The following LAMP5 variants were observed in gnomAD, a reference collection of about 807,000 sequenced individuals.
The protein encoded by LAMP5 is lysosome associated membrane protein 5.
LAMP5 carries 36 observed loss-of-function variants against 30.2 expected under a neutral mutation model. The observed-to-expected ratio is 1.19, with a 90% CI of 0.91 to 1.57. The LOEUF (loss-of-function observed/expected upper bound fraction) is 1.57. LAMP5 is among the 40% of genes most tolerant of loss of function. The pLI is 0.00. For missense variants in LAMP5, 377 were observed against 354.9 expected (o/e 1.06, Z -0.50); for synonymous variants, 149 against 134.6 (o/e 1.11, Z -0.74).
intron 5 of LAMP5, among the ~76,000 whole-genome samples, chr20:9,519,019 G>A (rs971348915): frequency 1.3e-5 from 2 of 152,328 alleles, no homozygotes; most frequent in Admixed American, 6.5e-5. Context: ...GCTGTGGCAG[G>A]TTCAGGTCAA....
Position 9,515,447 on chromosome 20 carries a change from C to G in LAMP5, c.65-6C>G, listed in dbSNP as rs2232262. ...AACTGATGGAATTGTTTTGTTTGTT[C>G]CGCAGATACAATGGCTCAAATCATG... On this transcript the variant is annotated splice_polypyrimidine_tract_variant and splice_region_variant and intron_variant, in intron 1 of 5. Coordinates refer to ENST00000246070, the MANE Select transcript of LAMP5 (RefSeq NM_012261.4). 8.4e-4 allele frequency: 1,357 copies of G among 1,612,114 alleles called. 9 individuals carry two copies. The Middle Eastern group carries it at 0.016, about 19-fold the overall frequency.
chr20:9,523,021 A>G (rs1603172289), intron 5 of LAMP5, among the ~76,000 whole-genome samples: 1 of 133,540 alleles, frequency 7.5e-6, no homozygotes, highest in East Asian at 2.1e-4. Context: ...CTGGCCTTGA[A>G]CTCCTGGGCA....
intron 5 of LAMP5, among the ~76,000 whole-genome samples, chr20:9,526,860 G>GTATATATATATATATATATA (rs201564418): frequency 6.2e-5 from 5 of 80,226 alleles, no homozygotes; most frequent in South Asian, 4.3e-4. Flanking sequence ...GTGTGTGTGT[G>GTATATATATATATATATATA]TATATATATA....
intron 5 of LAMP5, among the ~76,000 whole-genome samples, chr20:9,523,883 A>AT (rs2045094724): frequency 6.6e-6 from 1 of 152,338 alleles, no homozygotes; most frequent in Admixed American, 6.5e-5. Flanking sequence ...ACAATACAAG[A>AT]TTTTTACCCT....
chr20:9,528,152 A>G (rs1159749291), intron 5 of LAMP5, among the ~76,000 whole-genome samples: 2 of 152,336 alleles, frequency 1.3e-5, no homozygotes, highest in East Asian at 1.9e-4. Context: ...GTCATTTGCT[A>G]CAATGTGGAT....
At position 9,523,723 on chromosome 20, in the gene LAMP5, T is replaced by G. The variant is rs567348621; in HGVS notation, c.664+5495T>G. ...CCACCAAGAGCAAAGGCATGAGGGA[T>G]CCTAAGTCCTGTGGAGGTGGATAGG... On this transcript the variant is annotated intron_variant, in intron 5 of 5. Coordinates refer to ENST00000246070, the MANE Select transcript of LAMP5 (RefSeq NM_012261.4). Among the ~76,000 whole-genome samples the G allele has an allele frequency of 4.6e-5, 7 of 151,974 alleles. No individual in the cohort carries two copies. The South Asian group carries it at 1.0e-3, about 23-fold the overall frequency.
rs61301123 is a variant in LAMP5, at chr20:9,519,404, T to A, written c.664+1176T>A. Reference sequence around the variant, plus strand: ...CCACTCAACCTATTCCAGAATAGAATGCACCACCTTCCACCTTGATTATTG... The same window carrying A: ...CCACTCAACCTATTCCAGAATAGAAAGCACCACCTTCCACCTTGATTATTG... On this transcript the variant is annotated intron_variant, in intron 5 of 5. Coordinates refer to ENST00000246070, the MANE Select transcript of LAMP5 (RefSeq NM_012261.4). 1.3e-3 allele frequency among the ~76,000 whole-genome samples: 197 copies of A among 152,306 alleles called. 2 individuals carry two copies. In the East Asian group the frequency reaches 0.032, roughly 25 times the overall value.
intron 4 of LAMP5, among the ~76,000 whole-genome samples, chr20:9,516,731 G>A (rs1042860123): frequency 3.3e-5 from 5 of 152,186 alleles, no homozygotes; most frequent in African/African-American, 9.7e-5. Context: ...TCCTGGTTTT[G>A]TTTCTTATGC....
Position 9,530,407 on chromosome 20 carries a change from T to A in LAMP5, c.*587T>A, listed in dbSNP as rs745628763. 1 of 152,758 alleles carries A rather than the reference T, an allele frequency of 6.5e-6. No homozygotes were observed. The highest frequency in any genetic ancestry group is 1.5e-5 in the Non-Finnish European group (1 of 68,126). 9.5% of individuals were successfully genotyped at this position (152,758 alleles called of 1,614,324 possible). A position where few individuals can be genotyped will look rare whatever the true frequency, so the allele number is the denominator to read the frequency against. The stretch of plus-strand genomic sequence containing the variant: ...GACTGCAGCACCAGAAAACGACTAA[T>A]GTAACTATGCAGAGTTGTTTGGACT... On this transcript the variant is annotated 3_prime_UTR_variant, in exon 6 of 6. Transcript: ENST00000246070.
chr20:9,518,005 A>C, intron 4 of LAMP5, 35 bp from the exon 5 acceptor site: 1 of 1,602,328 alleles, frequency 6.2e-7, no homozygotes, highest in Non-Finnish European at 8.5e-7. Context: ...AGGAACAATG[A>C]GGGTTCTAAC....
intron 1 of LAMP5, 95 bp from the exon 2 acceptor site, chr20:9,515,358 A>G (rs1166523988): frequency 8.3e-7 from 1 of 1,201,458 alleles, no homozygotes; most frequent in Non-Finnish European, 1.2e-6. Flanking sequence ...GAACTTTGTC[A>G]CTCCAAAGCC....
intron 5 of LAMP5, 60 bp from the exon 6 acceptor site, chr20:9,529,582 G>T: frequency 2.0e-6 from 3 of 1,505,388 alleles, no homozygotes; most frequent in Admixed American, 2.0e-5. Flanking sequence ...TTGTTTTGTA[G>T]AACTTATGAT....
At chr20:9,515,816 C>G (rs971449731) in intron 2 of LAMP5, among the ~76,000 whole-genome samples, 184 bp from the exon 3 acceptor site, 1 of 152,230 alleles carries the variant, frequency 6.6e-6, no homozygotes, top group East Asian at 1.9e-4. Flanking sequence ...AAGTAAACCC[C>G]CTTCTCTCCG....
At chr20:9,517,519 C>T (rs2045049564) in intron 4 of LAMP5, among the ~76,000 whole-genome samples, 1 of 152,018 alleles carries the variant, frequency 6.6e-6, no homozygotes, top group Non-Finnish European at 1.5e-5. Flanking sequence ...ATCACCACAG[C>T]CTGGAGTAAG....
chr20:9,529,984 G>C lies in LAMP5; in HGVS notation c.*164G>C. The C allele has an allele frequency of 1.7e-6, 1 of 589,962 alleles. No homozygotes were observed. 36.5% of individuals were successfully genotyped at this position (589,962 alleles called of 1,614,324 possible). ...GCTTGTGTCCATGCTTAAACCCACG[G>C]AAGGGGGAGACTCTTTCGGATTTGT... On this transcript the variant is annotated 3_prime_UTR_variant, in exon 6 of 6. Coordinates refer to ENST00000246070, the MANE Select transcript of LAMP5 (RefSeq NM_012261.4).
In LAMP5 at chr20:9,526,386, A is replaced by G. The variant is rs2045112427; in HGVS notation, c.665-3256A>G. On this transcript the variant is annotated intron_variant, in intron 5 of 5. Transcript: ENST00000246070. ...ACCCTGCAATCTGTGTTAACATTAC[A>G]TGGGCAACAGAGTGTTATCATGAGG... Among the ~76,000 whole-genome samples, 3 of 152,362 alleles carry G rather than the reference A, an allele frequency of 2.0e-5. No individual in the cohort carries two copies. The South Asian group carries it at 6.2e-4, about 32-fold the overall frequency.
At chr20:9,515,319 G>T (rs1003609755) in intron 1 of LAMP5, 134 bp from the exon 2 acceptor site, 6 of 709,514 alleles carry the variant, frequency 8.5e-6, no homozygotes, top group African/African-American at 1.8e-5. Context: ...TTAGAGAAAC[G>T]GCTCGTAGAG....
At chr20:9,520,838 A>G (rs2045075353) in intron 5 of LAMP5, among the ~76,000 whole-genome samples, 1 of 152,140 alleles carries the variant, frequency 6.6e-6, no homozygotes, top group Non-Finnish European at 1.5e-5. Context: ...GAGTCCCTTT[A>G]GTGCATTGTA....
Position 9,529,724 on chromosome 20 carries a change from CA to C in LAMP5, c.748del (p.Met250TrpfsTer2), listed in dbSNP as rs746203088. 6.2e-6 allele frequency: 10 copies of C among 1,614,118 alleles called. No individual in the cohort carries two copies. In the South Asian group the frequency reaches 1.1e-4, roughly 18 times the overall value. ...ILGLILGLVI[M>X]VTLAIYHVHH... ...TGGGGCTCATCTTGGGCCTCGTCATCATGGTAACACTCGCGATTTACCACGT... is the reference window on the plus strand; with the variant it reads ...TGGGGCTCATCTTGGGCCTCGTCATCTGGTAACACTCGCGATTTACCACGT... On this transcript the variant is annotated frameshift_variant, in exon 6 of 6. Transcript: ENST00000246070. LOFTEE classifies it high-confidence loss of function.
Sources: gnomAD v4.1 joint callset for allele counts (sites outside exome capture counted in the v4.1 genomes callset) on GRCh38, gnomAD v4.1.1 for gene constraint, MANE v1.5 for transcripts, NCBI Gene and HGNC (gene_info 2026-07-23, HGNC 2026-07-21) for gene names.